XKR4: variants seen among roughly 807,000 people sequenced by gnomAD.
The protein encoded by XKR4 is XK related 4, also known as XK-related protein 4.
In XKR4, 12 loss-of-function variants were observed where a neutral mutation model predicts 53.9. That is an observed-to-expected ratio of 0.22 (90% confidence interval 0.14 to 0.36). The LOEUF is 0.36. XKR4 is among the 10% of genes least tolerant of loss of function. XKR4 has a pLI of 1.00. For missense variants in XKR4, 799 were observed against 859.5 expected (o/e 0.93, Z 0.88); for synonymous variants, 354 against 362.4 (o/e 0.98, Z 0.26).
intron 1 of XKR4, among the ~76,000 whole-genome samples, chr8:55,283,306 C>T (rs1320467014): frequency 1.3e-5 from 2 of 152,140 alleles, no homozygotes; most frequent in African/African-American, 4.8e-5. Flanking sequence ...GAAGAAGTAG[C>T]TATGGAATAG....
At chr8:55,452,864 G>C in intron 2 of XKR4, 1 of 775,022 alleles carries the variant, frequency 1.3e-6, no homozygotes, top group Non-Finnish European at 2.3e-6. Flanking sequence ...TCTTGCTGCT[G>C]TCCAGAGGCA....
At chr8:55,207,799 T>A (rs560523544) in intron 1 of XKR4, among the ~76,000 whole-genome samples, 1 of 152,024 alleles carries the variant, frequency 6.6e-6, no homozygotes, top group Non-Finnish European at 1.5e-5. Flanking sequence ...GAGAATCAAT[T>A]TGGGCCATGT....
intron 1 of XKR4, among the ~76,000 whole-genome samples, chr8:55,115,029 T>A (rs551040537): frequency 5.9e-5 from 9 of 152,252 alleles, no homozygotes; most frequent in Admixed American, 3.9e-4. Context: ...TTACTGAAGG[T>A]GGAATCTGCA....
chr8:55,225,598 G>A lies in XKR4; in HGVS notation c.806+122304G>A, dbSNP rs145800920. On this transcript the variant is annotated intron_variant, in intron 1 of 2. Coordinates refer to ENST00000327381, the MANE Select transcript of XKR4 (RefSeq NM_052898.2). ...AGTGACCCACAAGGCCAGCCTAGTC[G>A]TCTGTTTTCATTTTAGTCATAATTC... is the stretch of plus-strand genomic sequence containing the variant. 9.2e-5 allele frequency among the ~76,000 whole-genome samples: 14 copies of A among 152,302 alleles called. 1 individual carries two copies. Among genetic ancestry groups the A allele is most frequent in the East Asian group, 3.9e-4 (2 of 5,184 alleles).
chr8:55,292,027 C>T (rs942327228), intron 1 of XKR4, among the ~76,000 whole-genome samples: 1 of 152,098 alleles, frequency 6.6e-6, no homozygotes, highest in Non-Finnish European at 1.5e-5. Context: ...CTGACATAAA[C>T]CCCATTTGTT....
intron 1 of XKR4, among the ~76,000 whole-genome samples, chr8:55,112,588 T>TTTTA (rs61480201): frequency 3.5e-5 from 5 of 143,076 alleles, no homozygotes; most frequent in African/African-American, 1.1e-4. Context: ...TTTTTTTTTT[T>TTTTA]AGGGAGCAGA....
At chr8:55,200,707 C>G (rs958877735) in intron 1 of XKR4, among the ~76,000 whole-genome samples, 1 of 152,174 alleles carries the variant, frequency 6.6e-6, no homozygotes, top group African/African-American at 2.4e-5. Context: ...AAAAAGAAAG[C>G]CTTGCTATGA....
At chr8:55,362,646 G>A (rs141300780) in intron 2 of XKR4, among the ~76,000 whole-genome samples, 1 of 152,234 alleles carries the variant, frequency 6.6e-6, no homozygotes, top group Non-Finnish European at 1.5e-5. Context: ...TTCATGGTCA[G>A]AGTTACCCCA....
At chr8:55,174,498 A>G (rs765723536) in intron 1 of XKR4, among the ~76,000 whole-genome samples, 2 of 152,210 alleles carry the variant, frequency 1.3e-5, no homozygotes, top group East Asian at 1.9e-4. Flanking sequence ...AGTGCTTGTC[A>G]TAAGGCATTT....
intron 1 of XKR4, among the ~76,000 whole-genome samples, chr8:55,180,419 T>G (rs1356222953): frequency 6.6e-6 from 1 of 152,256 alleles, no homozygotes; most frequent in African/African-American, 2.4e-5. Flanking sequence ...ATTTGAGAGA[T>G]AACTCATTCC....
At chr8:55,493,763 GT>G (rs1806303661) in intron 2 of XKR4, among the ~76,000 whole-genome samples, 2 of 152,336 alleles carry the variant, frequency 1.3e-5, no homozygotes, top group South Asian at 2.1e-4. Flanking sequence ...AAAGATGACT[GT>G]GCCCTTTACC....
chr8:55,307,323 G>A (rs1379168881), intron 1 of XKR4, among the ~76,000 whole-genome samples: 2 of 151,956 alleles, frequency 1.3e-5, no homozygotes, highest in African/African-American at 4.8e-5. Context: ...GTACAAATTG[G>A]GCAAAAGACA....
intron 1 of XKR4, among the ~76,000 whole-genome samples, chr8:55,201,639 T>C (rs1179328941): frequency 1.3e-5 from 2 of 152,148 alleles, no homozygotes; most frequent in Non-Finnish European, 2.9e-5. Flanking sequence ...GTGACTTAAG[T>C]GGGGAGCTTT....
At chr8:55,276,445 C>T (rs1818765621) in intron 1 of XKR4, among the ~76,000 whole-genome samples, 1 of 152,228 alleles carries the variant, frequency 6.6e-6, no homozygotes, top group Admixed American at 6.5e-5. Flanking sequence ...GCGATAACCA[C>T]TGAAGGAATG....
chr8:55,121,547 A>G (rs1213388518), intron 1 of XKR4, among the ~76,000 whole-genome samples: 1 of 152,008 alleles, frequency 6.6e-6, no homozygotes, highest in Admixed American at 6.6e-5. Context: ...AATGGATAAA[A>G]TAATAAAAAT....
At chr8:55,286,513 T>C (rs1563315546) in intron 1 of XKR4, among the ~76,000 whole-genome samples, 1 of 152,060 alleles carries the variant, frequency 6.6e-6, no homozygotes, top group African/African-American at 2.4e-5. Context: ...TACGGGGGCA[T>C]GCATATTGTT....
At chr8:55,113,042 T>C (rs1816254628) in intron 1 of XKR4, among the ~76,000 whole-genome samples, 2 of 152,144 alleles carry the variant, frequency 1.3e-5, no homozygotes, top group Admixed American at 6.5e-5. Flanking sequence ...ACTTGAGTTC[T>C]AGAGGGGTGT....
intron 2 of XKR4, among the ~76,000 whole-genome samples, chr8:55,434,992 A>C (rs1805154022): frequency 6.6e-6 from 1 of 152,076 alleles, no homozygotes; most frequent in South Asian, 2.1e-4. Context: ...CTACACACAC[A>C]CAAGCATGCC....
intron 1 of XKR4, among the ~76,000 whole-genome samples, chr8:55,282,527 T>C (rs2129374055): frequency 6.6e-6 from 1 of 152,070 alleles, no homozygotes; most frequent in East Asian, 1.9e-4. Context: ...GAGCAATAGA[T>C]AGAGAGGAGA....
Sources: allele counts gnomAD v4.1 joint callset (sites outside exome capture counted in the v4.1 genomes callset), GRCh38; gene constraint gnomAD v4.1.1; transcripts MANE v1.5; gene names NCBI Gene and HGNC (gene_info 2026-07-23, HGNC 2026-07-21).